Variants in KIR3DL1 observed in about 807,000 individuals in gnomAD.
KIR3DL1 encodes killer cell immunoglobulin-like receptor 3DL1.
Under a neutral mutation model 40.3 loss-of-function variants are expected in KIR3DL1, and 50 were observed. The ratio of observed to expected loss-of-function variants is 1.24; its 90% CI spans 0.99 to 1.57. The LOEUF (loss-of-function observed/expected upper bound fraction) is 1.57. Ranked by LOEUF, KIR3DL1 falls within the 40% of genes most tolerant of loss-of-function variation. The pLI is 0.00. For missense variants in KIR3DL1, 661 were observed against 559.9 expected, an observed-to-expected ratio of 1.18 and a Z score of -1.82; for synonymous variants, 257 against 207.2, an observed-to-expected ratio of 1.24 and a Z score of -2.07.
rs79088364 is a variant in KIR3DL1, at chr19:54,830,624, G to A, written c.*349G>A. 4.4e-3 allele frequency: 1,183 copies of A among 271,226 alleles called. 2 individuals carry two copies. Among genetic ancestry groups the A allele is most frequent in the Middle Eastern group, 8.6e-3 (8 of 928 alleles). 16.8% of individuals were successfully genotyped at this position (271,226 alleles called of 1,614,324 possible). On this transcript the variant is annotated 3_prime_UTR_variant, in exon 9 of 9. Transcript: ENST00000391728. ...CCAAACATACAAGAGGCTCCCTCTT[G>A]ACGTGGCACTTACCCACGTGCTGTT...
At chr19:54,824,663 A>AAG in intron 5 of KIR3DL1, among the ~76,000 whole-genome samples, 1 of 149,670 alleles carries the variant, frequency 6.7e-6, no homozygotes. Context: ...ATGACAGAGC[A>AAG]AGATTCTATC....
chr19:54,829,463 A>C lies in KIR3DL1; in HGVS notation c.1103A>C (p.Lys368Thr), dbSNP rs571841193. Residue 368 changes from lysine to threonine, a missense_variant and splice_region_variant, in exon 7 of 9, where the codon AAA (lysine) becomes ACA (threonine). Around this residue, in one of 3 missense-constraint regions of KIR3DL1, gnomAD observed 107 missense variants for 129.4 expected, o/e 0.83. Coordinates refer to ENST00000391728, the Ensembl canonical transcript of KIR3DL1. ...CTTCATCTCTGGTGCTCCAACAAAA[A>C]AAGTAAGTCTCACGGGGCACAGGCC... 4.0e-6 allele frequency: 6 copies of C among 1,481,758 alleles called. No homozygotes were observed. In the African/African-American group the frequency reaches 4.2e-5, roughly 10 times the overall value. 91.8% of individuals were successfully genotyped at this position (1,481,758 alleles called of 1,614,324 possible).
rs528576882 is a variant in KIR3DL1 at position 54,825,504 on chromosome 19, C to A, written c.1000+426C>A. Among the ~76,000 whole-genome samples, 423 of 149,766 alleles carry A rather than the reference C, an allele frequency of 2.8e-3. 3 individuals are homozygous for A. The highest frequency in any genetic ancestry group is 0.01 in the African/African-American group (401 of 39,764). On this transcript the variant is annotated intron_variant, in intron 6 of 8. Coordinates refer to ENST00000391728, the Ensembl canonical transcript of KIR3DL1. ...CATGAAGCAACCCTGGCTGACTCAGCAGAGCAAGAGCCTTGCCGTAACAGA... is the reference window on the plus strand; with the variant it reads ...CATGAAGCAACCCTGGCTGACTCAGAAGAGCAAGAGCCTTGCCGTAACAGA...
At chr19:54,821,947 A>G in intron 5 of KIR3DL1, 89 bp downstream of exon 5, 1 of 1,436,312 alleles carries the variant, frequency 7.0e-7, no homozygotes, top group Non-Finnish European at 9.6e-7. Flanking sequence ...AAGCATGGAC[A>G]GATGCAGAGA....
rs995179560 is a variant in KIR3DL1, at chr19:54,827,813, C to T, written c.1001-1548C>T. 8.0e-5 allele frequency among the ~76,000 whole-genome samples: 12 copies of T among 150,368 alleles called. 1 individual carries two copies. Among genetic ancestry groups the T allele is most frequent in the African/African-American group, 2.7e-4 (11 of 40,214 alleles). ...AGATCATATAGAAAATGTGAAAGCCCGCTGAATCCTCCAGCACAAATCCTG... is the reference window on the plus strand; with the variant it reads ...AGATCATATAGAAAATGTGAAAGCCTGCTGAATCCTCCAGCACAAATCCTG... On this transcript the variant is annotated intron_variant, in intron 6 of 8. Coordinates refer to ENST00000391728, the Ensembl canonical transcript of KIR3DL1.
At chr19:54,824,402 T>C (rs372698627) in intron 5 of KIR3DL1, among the ~76,000 whole-genome samples, 2,428 of 130,194 alleles carry the variant, frequency 0.019, 3 homozygotes, top group African/African-American at 0.062. Flanking sequence ...ATGGGCTGGG[T>C]ATGGTGGCTC....
At chr19:54,828,708 G>T (rs2062037753) in intron 6 of KIR3DL1, among the ~76,000 whole-genome samples, 1 of 148,762 alleles carries the variant, frequency 6.7e-6, no homozygotes, top group Admixed American at 6.7e-5. Context: ...CAATCCTCCT[G>T]ATCTCAGGAC....
intron 4 of KIR3DL1, among the ~76,000 whole-genome samples, chr19:54,820,397 T>C (rs1479193709): frequency 6.6e-6 from 1 of 151,548 alleles, no homozygotes; most frequent in South Asian, 2.1e-4. Context: ...AGGACACCCA[T>C]ATTTCTGACC....
intron 5 of KIR3DL1, among the ~76,000 whole-genome samples, chr19:54,822,968 A>G (rs1202891019): frequency 6.0e-5 from 9 of 149,014 alleles, no homozygotes; most frequent in East Asian, 5.8e-4. Flanking sequence ...ACTTCGATAC[A>G]CTGATGTCCT....
At chr19:54,822,123 A>G (rs1308261791) in intron 5 of KIR3DL1, among the ~76,000 whole-genome samples, 1 of 151,066 alleles carries the variant, frequency 6.6e-6, no homozygotes, top group Non-Finnish European at 1.5e-5. Flanking sequence ...GACTGGGCTT[A>G]GTTTGGGGAG....
At chr19:54,826,053 C>T (rs1204145072) in intron 6 of KIR3DL1, among the ~76,000 whole-genome samples, 3 of 151,134 alleles carry the variant, frequency 2.0e-5, no homozygotes, top group African/African-American at 7.4e-5. Flanking sequence ...GACTAGCAAC[C>T]GTAATTCCAT....
chr19:54,825,449 C>T (rs1411740034), intron 6 of KIR3DL1, among the ~76,000 whole-genome samples: 1 of 150,240 alleles, frequency 6.7e-6, no homozygotes, highest in Admixed American at 6.6e-5. Flanking sequence ...TAGAGAAGTT[C>T]CACTTGCCAA....
At chr19:54,823,003 T>C (rs2061713439) in intron 5 of KIR3DL1, among the ~76,000 whole-genome samples, 1 of 148,934 alleles carries the variant, frequency 6.7e-6, no homozygotes. Context: ...AACCCAGTAG[T>C]GAAATTGCTG....
At chr19:54,828,713 C>G (rs1225692065) in intron 6 of KIR3DL1, among the ~76,000 whole-genome samples, 2 of 148,702 alleles carry the variant, frequency 1.3e-5, no homozygotes, top group African/African-American at 5.0e-5. Flanking sequence ...CTCCTGATCT[C>G]AGGACTTTGC....
chr19:54,820,348 T>C (rs2061573049), intron 4 of KIR3DL1, among the ~76,000 whole-genome samples: 1 of 151,554 alleles, frequency 6.6e-6, no homozygotes, highest in Non-Finnish European at 1.5e-5. Context: ...GTTTCATTTC[T>C]GTTTTACCTC....
chr19:54,825,495 C>A (rs1287849089), intron 6 of KIR3DL1, among the ~76,000 whole-genome samples: 1 of 150,378 alleles, frequency 6.6e-6, no homozygotes, highest in Admixed American at 6.6e-5. Context: ...GCAACCCTGG[C>A]TGACTCAGCA....
At position 54,818,376 on chromosome 19, in the gene KIR3DL1, C is replaced by T. The variant is rs541300797; in HGVS notation, c.132C>T (p.His44=). ...GCGCTGTGGTGCCTCGAGGAGGACA[C>T]GTGACTCTTCGGTGTCACTATCGTC... Residue 44 remains histidine, a synonymous_variant, in exon 3 of 9, where the codon CAC becomes CAT. Coordinates refer to ENST00000391728, the Ensembl canonical transcript of KIR3DL1. 4.5e-5 allele frequency: 72 copies of T among 1,605,868 alleles called. 2 individuals carry two copies. The highest frequency in any genetic ancestry group is 5.6e-5 in the Non-Finnish European group (66 of 1,177,940).
intron 1 of KIR3DL1, among the ~76,000 whole-genome samples, chr19:54,816,755 A>T (rs1332738091): frequency 1.1e-4 from 13 of 117,766 alleles, no homozygotes; most frequent in African/African-American, 4.3e-4. Context: ...GAGTGGAGAT[A>T]TGGGCCTGGG....
chr19:54,825,070 C>T lies in KIR3DL1; in HGVS notation c.992C>T (p.Ser331Phe), dbSNP rs1449718644. ...TGGCCTTCACCCACAGAACCAAGCT[C>T]CAAATCTGGTGAGTAAAGGACCCCT... Residue 331 changes from serine to phenylalanine, a missense_variant, in exon 6 of 9, where the codon TCC becomes TTC. Coordinates refer to ENST00000391728, the Ensembl canonical transcript of KIR3DL1. 4.8e-4 allele frequency: 733 copies of T among 1,527,244 alleles called. 49 individuals are homozygous for T. In the South Asian group the frequency reaches 7.7e-3, roughly 16 times the overall value. The allele number at this position is 1,527,244 out of a possible 1,614,324, so 94.6% of individuals were successfully genotyped here.
Sources: allele counts gnomAD v4.1 joint callset (sites outside exome capture counted in the v4.1 genomes callset), GRCh38; gene constraint gnomAD v4.1.1; regional missense constraint gnomAD v4.1.1; transcripts MANE v1.5; gene names NCBI Gene and HGNC (gene_info 2026-07-23, HGNC 2026-07-21).